Variants in PTPRR observed in about 807,000 individuals in gnomAD.
PTPRR encodes protein tyrosine phosphatase receptor type R.
A neutral mutation model predicts 77.2 loss-of-function variants in PTPRR; 38 were observed. That is an observed-to-expected ratio of 0.49 (90% CI 0.38 to 0.65). PTPRR has a LOEUF of 0.65. Ranked by LOEUF, PTPRR falls within the 30% of genes least tolerant of loss-of-function variation. The pLI, the probability that PTPRR is intolerant of heterozygous loss-of-function variation, is 0.00. For synonymous variants in PTPRR, 299 were observed against 283.1 expected, an observed-to-expected ratio of 1.06 and a Z score of -0.57; for missense variants, 744 against 799.2, an observed-to-expected ratio of 0.93 and a Z score of 0.83.
At chr12:70,861,382 G>C (rs1232400585) in intron 2 of PTPRR, among the ~76,000 whole-genome samples, 2 of 152,110 alleles carry the variant, frequency 1.3e-5, no homozygotes, top group East Asian at 3.8e-4. Flanking sequence ...CCTAGAATTG[G>C]TAAGTATTTT....
chr12:70,716,105 C>T (rs965511606), intron 6 of PTPRR, among the ~76,000 whole-genome samples: 5 of 152,168 alleles, frequency 3.3e-5, no homozygotes, highest in South Asian at 2.1e-4. Flanking sequence ...CCGGTCCCTC[C>T]GTTTGGGGTC....
intron 2 of PTPRR, among the ~76,000 whole-genome samples, chr12:70,770,678 T>A (rs1565690685): frequency 6.6e-6 from 1 of 152,126 alleles, no homozygotes; most frequent in African/African-American, 2.4e-5. Context: ...GGACTATAAA[T>A]CATGCTGCTA....
At chr12:70,765,369 G>T (rs1169000749) in intron 2 of PTPRR, among the ~76,000 whole-genome samples, 3 of 152,202 alleles carry the variant, frequency 2.0e-5, no homozygotes, top group Non-Finnish European at 4.4e-5. Flanking sequence ...TCCCTCACCT[G>T]GCTTGGAGGG....
intron 10 of PTPRR, among the ~76,000 whole-genome samples, chr12:70,670,033 G>A (rs1035528267): frequency 9.9e-5 from 15 of 152,162 alleles, no homozygotes; most frequent in African/African-American, 3.6e-4. Flanking sequence ...GAAGGAAAAA[G>A]TTAATATATG....
At chr12:70,869,140 A>T (rs1892916901) in intron 2 of PTPRR, among the ~76,000 whole-genome samples, 1 of 151,980 alleles carries the variant, frequency 6.6e-6, no homozygotes. Flanking sequence ...CATATGTAAC[A>T]AACCTGCACA....
At chr12:70,792,717 T>C (rs7976488) in intron 2 of PTPRR, among the ~76,000 whole-genome samples, 2,215 of 152,202 alleles carry the variant, frequency 0.015, 59 homozygotes, top group African/African-American at 0.05. Flanking sequence ...AAAATCTTCA[T>C]GGAAAATGCA....
intron 2 of PTPRR, among the ~76,000 whole-genome samples, chr12:70,815,990 T>G (rs749739396): frequency 6.6e-6 from 1 of 152,102 alleles, no homozygotes; most frequent in African/African-American, 2.4e-5. Context: ...AAATTACAAC[T>G]AATTTAAAAG....
At chr12:70,654,112 T>G (rs949417788) in intron 13 of PTPRR, among the ~76,000 whole-genome samples, 10 of 152,296 alleles carry the variant, frequency 6.6e-5, no homozygotes, top group African/African-American at 2.2e-4. Flanking sequence ...ATAATAAAGA[T>G]GATAATAACA....
intron 2 of PTPRR, among the ~76,000 whole-genome samples, chr12:70,781,979 A>T (rs551353523): frequency 1.3e-5 from 2 of 152,188 alleles, no homozygotes; most frequent in Non-Finnish European, 2.9e-5. Context: ...TGAGTTTTTC[A>T]TATCCTTGCT....
chr12:70,754,340 G>T lies in PTPRR; in HGVS notation c.628-39C>A, dbSNP rs762024696. 3.1e-6 allele frequency: 5 copies of T among 1,609,548 alleles called. No individual in the cohort carries two copies. The South Asian group carries it at 5.5e-5, about 18-fold the overall frequency. ...ACAGAAAGTCCGACGTTAAATGAGA[G>T]CTTGAGAAAACTGGCGTTCTTATCA... On this transcript the variant is annotated intron_variant, in intron 4 of 13. Transcript: ENST00000283228.
At chr12:70,831,482 C>T (rs1243839351) in intron 2 of PTPRR, among the ~76,000 whole-genome samples, 1 of 152,138 alleles carries the variant, frequency 6.6e-6, no homozygotes, top group Non-Finnish European at 1.5e-5. Flanking sequence ...AAAGGTGATT[C>T]AATCAGCCAG....
At chr12:70,667,042 G>A (rs1008399962) in intron 10 of PTPRR, among the ~76,000 whole-genome samples, 3 of 131,444 alleles carry the variant, frequency 2.3e-5, no homozygotes, top group African/African-American at 5.7e-5. Flanking sequence ...TGCAAGCTCC[G>A]CCTCCCAGGT....
chr12:70,831,571 G>A (rs1892213440), intron 2 of PTPRR, among the ~76,000 whole-genome samples: 1 of 152,182 alleles, frequency 6.6e-6, no homozygotes, highest in Non-Finnish European at 1.5e-5. Context: ...GCTTCATTCT[G>A]GGTGAAGTGT....
At chr12:70,732,564 T>G (rs2136887609) in intron 6 of PTPRR, among the ~76,000 whole-genome samples, 1 of 152,262 alleles carries the variant, frequency 6.6e-6, no homozygotes, top group East Asian at 1.9e-4. Flanking sequence ...ATTTTTTTTT[T>G]GTTTGTTTTC....
chr12:70,887,761 G>A (rs1363950929), intron 2 of PTPRR, among the ~76,000 whole-genome samples: 1 of 152,036 alleles, frequency 6.6e-6, no homozygotes, highest in African/African-American at 2.4e-5. Context: ...GAGAGGTGGA[G>A]TGGTAGGAGA....
At chr12:70,851,120 A>T (rs192422655) in intron 2 of PTPRR, among the ~76,000 whole-genome samples, 9 of 152,306 alleles carry the variant, frequency 5.9e-5, no homozygotes, top group African/African-American at 1.9e-4. Flanking sequence ...CTTATTTTTT[A>T]AAAAAGAAAA....
chr12:70,794,027 A>G (rs1034406426), intron 2 of PTPRR, among the ~76,000 whole-genome samples: 1 of 152,156 alleles, frequency 6.6e-6, no homozygotes, highest in African/African-American at 2.4e-5. Flanking sequence ...ACCACAAGCT[A>G]ACCACATTTC....
At chr12:70,852,421 C>CA (rs1334739267) in intron 2 of PTPRR, among the ~76,000 whole-genome samples, 1 of 152,166 alleles carries the variant, frequency 6.6e-6, no homozygotes, top group Admixed American at 6.5e-5. Context: ...TAGTTAACTG[C>CA]AACTATGACC....
chr12:70,827,219 C>G (rs149076413), intron 2 of PTPRR, among the ~76,000 whole-genome samples: 113 of 152,326 alleles, frequency 7.4e-4, no homozygotes, highest in African/African-American at 2.6e-3. Context: ...ATATAAGTTA[C>G]AGTGGGGCAG....
Sources: gnomAD v4.1 joint callset for allele counts (sites outside exome capture counted in the v4.1 genomes callset) on GRCh38, gnomAD v4.1.1 for gene constraint, MANE v1.5 for transcripts, NCBI Gene and HGNC (gene_info 2026-07-23, HGNC 2026-07-21) for gene names.